ASAP2: variants seen among roughly 807,000 people sequenced by gnomAD.
ASAP2 encodes the protein arf-GAP with SH3 domain, ANK repeat and PH domain-containing protein 2.
A neutral mutation model predicts 131.4 loss-of-function variants in ASAP2; 45 were observed. That is an observed-to-expected ratio of 0.34 (90% CI 0.27 to 0.44). ASAP2 has a LOEUF of 0.44. Ranked by LOEUF, ASAP2 falls within the 20% of genes least tolerant of loss-of-function variation. The pLI is 1.00. For synonymous variants in ASAP2, 510 were observed against 503.0 expected, an observed-to-expected ratio of 1.01 and a Z score of -0.19; for missense variants, 1,011 against 1,297.0, an observed-to-expected ratio of 0.78 and a Z score of 3.39.
chr2:9,276,496 G>C (rs1277461326), intron 1 of ASAP2, among the ~76,000 whole-genome samples: 1 of 152,090 alleles, frequency 6.6e-6, no homozygotes, highest in Non-Finnish European at 1.5e-5. Flanking sequence ...TAGTGCCTGG[G>C]CTGGGACCTG....
chr2:9,267,516 G>T (rs994180374), intron 1 of ASAP2, among the ~76,000 whole-genome samples: 1 of 152,076 alleles, frequency 6.6e-6, no homozygotes, highest in Non-Finnish European at 1.5e-5. Flanking sequence ...TGGTGTATAT[G>T]TACCACATTT....
chr2:9,275,559 G>A (rs73915705), intron 1 of ASAP2, among the ~76,000 whole-genome samples: 6,390 of 152,242 alleles, frequency 0.042, 291 homozygotes, highest in African/African-American at 0.11. Flanking sequence ...TGAACCATGG[G>A]TTCCAGCCAG....
intron 18 of ASAP2, among the ~76,000 whole-genome samples, chr2:9,378,692 A>T (rs1674591264): frequency 6.6e-6 from 1 of 152,270 alleles, no homozygotes; most frequent in South Asian, 2.1e-4. Flanking sequence ...AACAACAGGG[A>T]TGCCCCCCTC....
At chr2:9,208,930 A>G (rs1661340705) in intron 1 of ASAP2, among the ~76,000 whole-genome samples, 1 of 152,338 alleles carries the variant, frequency 6.6e-6, no homozygotes, top group East Asian at 1.9e-4. Flanking sequence ...GCAGTTTGTC[A>G]GTTAAATATT....
At chr2:9,274,901 G>A (rs531928536) in intron 1 of ASAP2, among the ~76,000 whole-genome samples, 1 of 152,238 alleles carries the variant, frequency 6.6e-6, no homozygotes, top group East Asian at 1.9e-4. Context: ...TCCATATGGT[G>A]ACCTATTTTT....
At chr2:9,265,117 C>T (rs1277710505) in intron 1 of ASAP2, among the ~76,000 whole-genome samples, 1 of 151,950 alleles carries the variant, frequency 6.6e-6, no homozygotes, top group Non-Finnish European at 1.5e-5. Flanking sequence ...GCCTGGGGGA[C>T]AAAGTGAGAT....
intron 1 of ASAP2, among the ~76,000 whole-genome samples, chr2:9,254,236 A>AAAAAAATATATATATATAT (rs1553297024): frequency 2.1e-5 from 1 of 47,108 alleles, no homozygotes; most frequent in African/African-American, 1.4e-4. Context: ...AAAAAAAAAA[A>AAAAAAATATATATATATAT]ATATATATAT....
At chr2:9,399,597 G>A in intron 24 of ASAP2, 1 of 184,702 alleles carries the variant, frequency 5.4e-6, no homozygotes, top group South Asian at 1.2e-4. Flanking sequence ...GACGGCAGAG[G>A]CATGGACAGC....
chr2:9,317,900 C>T (rs1310960883), intron 3 of ASAP2, among the ~76,000 whole-genome samples: 1 of 152,172 alleles, frequency 6.6e-6, no homozygotes, highest in Non-Finnish European at 1.5e-5. Flanking sequence ...CCCTCATGTG[C>T]ATTCACTCTT....
intron 1 of ASAP2, among the ~76,000 whole-genome samples, chr2:9,243,550 G>A (rs1351670109): frequency 6.6e-6 from 1 of 152,184 alleles, no homozygotes; most frequent in Non-Finnish European, 1.5e-5. Context: ...CTGTACGTCA[G>A]GCAGATGAAT....
chr2:9,282,964 A>G (rs903812416), intron 2 of ASAP2, among the ~76,000 whole-genome samples: 3 of 152,180 alleles, frequency 2.0e-5, no homozygotes, highest in Non-Finnish European at 4.4e-5. Context: ...GGACTCCCCC[A>G]TCCCAGTCAC....
chr2:9,251,657 C>T (rs1427727561), intron 1 of ASAP2, among the ~76,000 whole-genome samples: 1 of 152,092 alleles, frequency 6.6e-6, no homozygotes, highest in South Asian at 2.1e-4. Flanking sequence ...AGCTGGGGGG[C>T]GCACCTTGTT....
intron 1 of ASAP2, among the ~76,000 whole-genome samples, chr2:9,271,966 A>G (rs1666432616): frequency 6.6e-6 from 1 of 151,876 alleles, no homozygotes; most frequent in Admixed American, 6.6e-5. Context: ...CTGTTAGTGG[A>G]CACTTAGATT....
chr2:9,391,157 G>C lies in ASAP2; in HGVS notation c.2479G>C (p.Val827Leu), dbSNP rs374621495. The change falls in exon 23 of 28, where the codon GTC becomes CTC. Residue 827 changes from valine (V) to leucine (L), a missense_variant. This residue lies in a region of ASAP2 where 652 missense variants were observed against 698.9 expected (regional missense o/e 0.93). Coordinates refer to ENST00000281419, the MANE Select transcript of ASAP2 (RefSeq NM_003887.3). ...RQRSSSDPPA[V>L]HPPLPPLRVT... is the part of the protein sequence containing the mutation. ...GCGATCTTCGTCAGATCCGCCAGCT[G>C]TCCATCCACCGCTGCCCCCTCTTCG... The C allele has an allele frequency of 3.1e-6, 5 of 1,614,086 alleles. No homozygotes were observed. The highest frequency in any genetic ancestry group is 1.3e-5 in the African/African-American group (1 of 74,954).
At chr2:9,369,911 G>A (rs774814688) in intron 16 of ASAP2, among the ~76,000 whole-genome samples, 1 of 152,066 alleles carries the variant, frequency 6.6e-6, no homozygotes, top group Non-Finnish European at 1.5e-5. Context: ...ATGTGATCTC[G>A]GCTCACTGCA....
chr2:9,274,069 A>T (rs1408847593), intron 1 of ASAP2, among the ~76,000 whole-genome samples: 1 of 152,210 alleles, frequency 6.6e-6, no homozygotes, highest in Non-Finnish European at 1.5e-5. Context: ...GTTATGTCAG[A>T]TCTCTTTCAC....
chr2:9,363,961 C>G (rs943004148), intron 15 of ASAP2, among the ~76,000 whole-genome samples: 4 of 152,178 alleles, frequency 2.6e-5, no homozygotes, highest in African/African-American at 9.7e-5. Flanking sequence ...TACTTTAGCA[C>G]ACACCAGCTT....
Position 9,278,969 on chromosome 2 carries a change from AG to A in ASAP2, c.127-346del, listed in dbSNP as rs143191815. On this transcript the variant is annotated intron_variant, in intron 1 of 27. Coordinates refer to ENST00000281419, the MANE Select transcript of ASAP2 (RefSeq NM_003887.3). ...CATCCTGGAGCCTTGCTGGTAACCAAGGAGAACGGAGGGTTCGGCTGGAGTA... is the reference window on the plus strand; with the variant it reads ...CATCCTGGAGCCTTGCTGGTAACCAAGAGAACGGAGGGTTCGGCTGGAGTA... Among the ~76,000 whole-genome samples, 914 of 152,344 alleles carry A rather than the reference AG, an allele frequency of 6.0e-3. 12 individuals carry two copies. The highest frequency in any genetic ancestry group is 0.021 in the African/African-American group (874 of 41,580).
intron 1 of ASAP2, among the ~76,000 whole-genome samples, chr2:9,239,937 C>T (rs1217483767): frequency 6.6e-6 from 1 of 151,934 alleles, no homozygotes; most frequent in African/African-American, 2.4e-5. Context: ...AGTGACTTTC[C>T]CAAGGCCTTG....
Sources: allele counts gnomAD v4.1 joint callset (sites outside exome capture counted in the v4.1 genomes callset), GRCh38; gene constraint gnomAD v4.1.1; regional missense constraint gnomAD v4.1.1; transcripts MANE v1.5; gene names NCBI Gene and HGNC (gene_info 2026-07-23, HGNC 2026-07-21).